The following GRM7 variants were observed in gnomAD, a reference collection of about 807,000 sequenced individuals.
GRM7 encodes glutamate metabotropic receptor 7.
In GRM7, 35 loss-of-function variants were observed where a neutral mutation model predicts 84.5. The observed-to-expected ratio is 0.41, with a 90% CI of 0.32 to 0.55. The LOEUF (loss-of-function observed/expected upper bound fraction) is 0.55. GRM7 is among the 20% of genes least tolerant of loss of function. GRM7 has a pLI of 0.19. For missense variants in GRM7, 1,003 were observed against 1,194.6 expected, an observed-to-expected ratio of 0.84 and a Z score of 2.36; for synonymous variants, 487 against 455.1, an observed-to-expected ratio of 1.07 and a Z score of -0.89.
Position 7,033,944 on chromosome 3 carries a change from A to G in GRM7, c.520-112508A>G, listed in dbSNP as rs906967230. Among the ~76,000 whole-genome samples, 3 of 152,172 alleles carry G rather than the reference A, an allele frequency of 2.0e-5. No individual in the cohort carries two copies. The South Asian group carries it at 6.2e-4, about 32-fold the overall frequency. ...CTTCTGGCCTTAGGTTACAGGTACA[A>G]TAGAACATTGGTTCAAATATTGAAG... On this transcript the variant is annotated intron_variant, in intron 1 of 9. Transcript: ENST00000357716.
chr3:6,958,746 G>A (rs1430571063), intron 1 of GRM7, among the ~76,000 whole-genome samples: 1 of 151,922 alleles, frequency 6.6e-6, no homozygotes, highest in East Asian at 1.9e-4. Context: ...CCATGACTTT[G>A]GATTATAAGA....
At chr3:7,426,521 A>G (rs1696619450) in intron 5 of GRM7, among the ~76,000 whole-genome samples, 1 of 150,088 alleles carries the variant, frequency 6.7e-6, no homozygotes, top group South Asian at 2.1e-4. Context: ...ACAATCACTC[A>G]CTCTTCACAT....
chr3:7,476,138 C>A (rs570215388), intron 7 of GRM7, among the ~76,000 whole-genome samples: 63 of 152,288 alleles, frequency 4.1e-4, no homozygotes, highest in African/African-American at 1.5e-3. Flanking sequence ...GTTTCACCAC[C>A]TATTGGTTCT....
intron 1 of GRM7, among the ~76,000 whole-genome samples, chr3:7,012,753 G>A (rs894772141): frequency 2.6e-5 from 4 of 152,138 alleles, no homozygotes; most frequent in African/African-American, 7.2e-5. Flanking sequence ...TTGTGTGTTT[G>A]TTTACTGAGA....
chr3:7,350,321 G>T (rs2125090239), intron 4 of GRM7, among the ~76,000 whole-genome samples: 1 of 152,176 alleles, frequency 6.6e-6, no homozygotes, highest in South Asian at 2.1e-4. Context: ...GGTGGGAGGT[G>T]ATTGGATCAT....
At chr3:7,275,355 A>G (rs1699013795) in intron 2 of GRM7, among the ~76,000 whole-genome samples, 1 of 152,078 alleles carries the variant, frequency 6.6e-6, no homozygotes, top group South Asian at 2.1e-4. Flanking sequence ...CTTTCTCCTG[A>G]TAGCTAGGCA....
At chr3:7,037,966 C>T (rs550453200) in intron 1 of GRM7, among the ~76,000 whole-genome samples, 2 of 152,254 alleles carry the variant, frequency 1.3e-5, no homozygotes, top group East Asian at 3.9e-4. Flanking sequence ...TTTAAATAGT[C>T]TAATTGCTTG....
In GRM7 at chr3:7,228,236, G is replaced by A. The variant is rs923663062; in HGVS notation, c.737-70448G>A. On this transcript the variant is annotated intron_variant, in intron 2 of 9. Coordinates refer to ENST00000357716, the MANE Select transcript of GRM7 (RefSeq NM_000844.4). ...TGTCATAGGGACTGGGCAAAGCTAG[G>A]CATTGCATCAATAAATGAAAGAGCA... Among the ~76,000 whole-genome samples, 8 of 152,228 alleles carry A rather than the reference G, an allele frequency of 5.3e-5. No individual in the cohort carries two copies. The South Asian group carries it at 1.7e-3, about 32-fold the overall frequency.
At chr3:7,698,721 C>T (rs1384466562) in intron 9 of GRM7, among the ~76,000 whole-genome samples, 1 of 152,248 alleles carries the variant, frequency 6.6e-6, no homozygotes. Context: ...TTGACTTCCA[C>T]CCCAATGCTG....
intron 7 of GRM7, among the ~76,000 whole-genome samples, chr3:7,521,004 C>G (rs1182424288): frequency 6.6e-6 from 1 of 152,166 alleles, no homozygotes; most frequent in Admixed American, 6.5e-5. Flanking sequence ...AACTCAAATT[C>G]TGAGCTGTAG....
intron 1 of GRM7, among the ~76,000 whole-genome samples, chr3:7,042,411 G>T (rs1553610070): frequency 6.6e-6 from 1 of 152,074 alleles, no homozygotes; most frequent in Non-Finnish European, 1.5e-5. Context: ...ATAAGCTTTG[G>T]TTTTATTCCT....
chr3:7,456,527 T>TTTGAATATCGTACAAATAC (rs369931709), intron 6 of GRM7, among the ~76,000 whole-genome samples: 18,186 of 151,518 alleles, frequency 0.12, 1,609 homozygotes, highest in East Asian at 0.47. Context: ...TACAGCTAGG[T>TTTGAATATCGTACAAATAC]AGCGATGATG....
At chr3:7,216,262 G>A (rs201327346) in intron 2 of GRM7, among the ~76,000 whole-genome samples, 3 of 152,144 alleles carry the variant, frequency 2.0e-5, no homozygotes, top group East Asian at 3.9e-4. Context: ...TAAATGTCTC[G>A]TGTCTTTGCT....
intron 8 of GRM7, among the ~76,000 whole-genome samples, chr3:7,656,514 T>TAAA (rs374617506): frequency 3.8e-5 from 4 of 104,736 alleles, no homozygotes; most frequent in African/African-American, 1.6e-4. Flanking sequence ...AACAAACAAA[T>TAAA]AAAAAAAAAT....
chr3:7,199,973 C>T (rs186399502), intron 2 of GRM7, among the ~76,000 whole-genome samples: 9 of 152,282 alleles, frequency 5.9e-5, no homozygotes, highest in Admixed American at 1.3e-4. Flanking sequence ...CTCCATTCTA[C>T]AGGCTGGGAA....
chr3:7,568,924 C>T (rs956732060), intron 7 of GRM7, among the ~76,000 whole-genome samples: 1 of 152,118 alleles, frequency 6.6e-6, no homozygotes, highest in Non-Finnish European at 1.5e-5. Context: ...CGAGCGCCGC[C>T]CCCTGCTCCA....
At position 7,346,405 on chromosome 3, in the gene GRM7, A is replaced by C. The variant is rs1279711252; in HGVS notation, c.1033+39753A>C. 3.9e-5 allele frequency among the ~76,000 whole-genome samples: 6 copies of C among 152,268 alleles called. No individual in the cohort carries two copies. In the East Asian group the frequency reaches 1.2e-3, roughly 29 times the overall value. ...CCTGCTTACAAAGCTGATGGCATGA[A>C]TTTCTTCTTCAGAGTTAACCTAGTT... is the stretch of plus-strand genomic sequence containing the variant. On this transcript the variant is annotated intron_variant, in intron 4 of 9. Transcript: ENST00000357716.
In GRM7 at chr3:7,617,562, A is replaced by G. The variant is rs139061778; in HGVS notation, c.2451+38205A>G. ...AGCCATAAAGCAAAAGATCGACAGA[A>G]TCAACAAAAATATTGTTAGCAAACA... On this transcript the variant is annotated intron_variant, in intron 8 of 9. Coordinates refer to ENST00000357716, the MANE Select transcript of GRM7 (RefSeq NM_000844.4). Among the ~76,000 whole-genome samples, 948 of 152,278 alleles carry G rather than the reference A, an allele frequency of 6.2e-3. 9 individuals are homozygous for G. The highest frequency in any genetic ancestry group is 0.022 in the African/African-American group (898 of 41,554).
chr3:6,924,804 G>A (rs339015), intron 1 of GRM7, among the ~76,000 whole-genome samples: 94,238 of 152,042 alleles, frequency 0.62, 30,422 homozygotes, highest in African/African-American at 0.82. Flanking sequence ...TAGAAGGGAT[G>A]GAAGGGATTC....
Sources: gnomAD v4.1 joint callset for allele counts (sites outside exome capture counted in the v4.1 genomes callset) on GRCh38, gnomAD v4.1.1 for gene constraint, MANE v1.5 for transcripts, NCBI Gene and HGNC (gene_info 2026-07-23, HGNC 2026-07-21) for gene names.